Variants in HIKESHI observed in about 807,000 individuals in gnomAD.
The protein encoded by HIKESHI is heat shock protein nuclear import factor hikeshi.
HIKESHI carries 13 observed loss-of-function variants against 25.7 expected under a neutral mutation model. The ratio of observed to expected loss-of-function variants is 0.51; its 90% CI spans 0.33 to 0.80. The LOEUF (loss-of-function observed/expected upper bound fraction) is 0.80. Among genes scored for constraint, HIKESHI ranks in the 30% least tolerant of loss-of-function variants. HIKESHI has a pLI of 0.02. For synonymous variants in HIKESHI, 76 were observed against 78.7 expected (o/e 0.97, Z 0.18); for missense variants, 174 against 229.5 (o/e 0.76, Z 1.56).
At position 86,302,424 on chromosome 11, in the gene HIKESHI, C is replaced by T; in HGVS notation, c.-25C>T. 1 of 1,551,952 alleles carries T rather than the reference C, an allele frequency of 6.4e-7. No individual in the cohort carries two copies. Among genetic ancestry groups the T allele is most frequent in the Non-Finnish European group, 8.7e-7 (1 of 1,147,274 alleles). On this transcript the variant is annotated 5_prime_UTR_variant, in exon 1 of 5. Transcript: ENST00000278483. Reference sequence around the variant, plus strand: ...CCTAGTCGCCGGCTTCAGGTCACTGCCGGCTGAACGGAGCTGCCGTCGCCA... The same window carrying T: ...CCTAGTCGCCGGCTTCAGGTCACTGTCGGCTGAACGGAGCTGCCGTCGCCA...
At chr11:86,316,584 A>G (rs887552467) in intron 2 of HIKESHI, among the ~76,000 whole-genome samples, 1 of 152,088 alleles carries the variant, frequency 6.6e-6, no homozygotes, top group Non-Finnish European at 1.5e-5. Flanking sequence ...TAGTAAAAAG[A>G]AAATAAGGCA....
At chr11:86,328,852 C>T (rs1380791596) in intron 2 of HIKESHI, among the ~76,000 whole-genome samples, 1 of 151,784 alleles carries the variant, frequency 6.6e-6, no homozygotes, top group East Asian at 1.9e-4. Context: ...GCTGGGATTA[C>T]AGGTGTGAGC....
chr11:86,307,030 A>AAT (rs1167604274), intron 2 of HIKESHI, among the ~76,000 whole-genome samples: 5 of 143,480 alleles, frequency 3.5e-5, no homozygotes, highest in African/African-American at 1.3e-4. Context: ...TATATATATA[A>AAT]ATATATATAT....
At chr11:86,330,470 A>G (rs908316899) in intron 2 of HIKESHI, among the ~76,000 whole-genome samples, 1 of 152,238 alleles carries the variant, frequency 6.6e-6, no homozygotes, top group Non-Finnish European at 1.5e-5. Flanking sequence ...CAAAAGCTCT[A>G]TTTAGATACT....
chr11:86,307,283 T>C (rs5029014), intron 2 of HIKESHI, among the ~76,000 whole-genome samples: 25 of 37,174 alleles, frequency 6.7e-4, no homozygotes, highest in African/African-American at 1.5e-3. Flanking sequence ...ATATATCAAA[T>C]ATATATTATG....
At chr11:86,318,294 A>T (rs1000818611) in intron 2 of HIKESHI, among the ~76,000 whole-genome samples, 2 of 121,870 alleles carry the variant, frequency 1.6e-5, no homozygotes, top group African/African-American at 6.9e-5. Flanking sequence ...ACAGAGCAAG[A>T]CTCCGTCTCA....
At chr11:86,311,985 T>G (rs1443492239) in intron 2 of HIKESHI, among the ~76,000 whole-genome samples, 3 of 152,180 alleles carry the variant, frequency 2.0e-5, no homozygotes, top group South Asian at 4.1e-4. Context: ...TCCAACTATG[T>G]GGTCAATTTT....
chr11:86,344,503 C>T, intron 3 of HIKESHI, 100 bp from the exon 4 acceptor site: 1 of 742,586 alleles, frequency 1.3e-6, no homozygotes, highest in Non-Finnish European at 2.2e-6. Flanking sequence ...AACTGACACT[C>T]CCTATAAACA....
intron 1 of HIKESHI, 46 bp from the exon 2 acceptor site, chr11:86,306,199 G>GA: frequency 7.8e-7 from 1 of 1,278,944 alleles, no homozygotes; most frequent in Non-Finnish European, 1.1e-6. Context: ...AAGAGTTACA[G>GA]AAACTCATAG....
intron 2 of HIKESHI, among the ~76,000 whole-genome samples, chr11:86,310,661 C>A (rs1194943997): frequency 6.6e-6 from 1 of 152,166 alleles, no homozygotes; most frequent in African/African-American, 2.4e-5. Flanking sequence ...GGGAATGCTT[C>A]CAGTTTTTGC....
At chr11:86,345,425 T>G (rs1257366563) in intron 4 of HIKESHI, 159 bp from the exon 5 acceptor site, 3 of 529,618 alleles carry the variant, frequency 5.7e-6, no homozygotes, top group Non-Finnish European at 9.9e-6. Flanking sequence ...CTTGCTGTCT[T>G]TTTATAAGAA....
At chr11:86,332,432 G>GA (rs769335510) in intron 2 of HIKESHI, among the ~76,000 whole-genome samples, 5 of 149,774 alleles carry the variant, frequency 3.3e-5, no homozygotes, top group East Asian at 1.9e-4. Flanking sequence ...GAACAGAGAG[G>GA]AAAAAAAAAT....
chr11:86,327,240 G>A lies in HIKESHI; in HGVS notation c.269-10139G>A, dbSNP rs910363271. 6.6e-5 allele frequency among the ~76,000 whole-genome samples: 10 copies of A among 152,080 alleles called. 1 individual carries two copies. The highest frequency in any genetic ancestry group is 2.4e-4 in the African/African-American group (10 of 41,406). ...CTGCTATGTGTAATGCAGTGTTCTA[G>A]GTTTTCATATGTATTATATATTTAT... On this transcript the variant is annotated intron_variant, in intron 2 of 4. Coordinates refer to ENST00000278483, the MANE Select transcript of HIKESHI (RefSeq NM_016401.4).
chr11:86,307,323 TTA>T (rs1403830966), intron 2 of HIKESHI, among the ~76,000 whole-genome samples: 2 of 97,416 alleles, frequency 2.1e-5, no homozygotes, highest in Non-Finnish European at 3.9e-5. Context: ...CAAACATATA[TTA>T]TGTGTAATAT....
In HIKESHI at chr11:86,302,395, G is replaced by A. The variant is rs1012724980; in HGVS notation, c.-54G>A. 4 of 1,550,122 alleles carry A rather than the reference G, an allele frequency of 2.6e-6. No individual in the cohort carries two copies. Among genetic ancestry groups the A allele is most frequent in the Non-Finnish European group, 3.5e-6 (4 of 1,146,414 alleles). On this transcript the variant is annotated 5_prime_UTR_variant, in exon 1 of 5. Transcript: ENST00000278483. ...GTCTCGACTAGGGCAGTAGCCCCAGGACTCCTAGTCGCCGGCTTCAGGTCA... is the reference window on the plus strand; with the variant it reads ...GTCTCGACTAGGGCAGTAGCCCCAGAACTCCTAGTCGCCGGCTTCAGGTCA...
chr11:86,322,429 G>GTGTATA (rs968002751), intron 2 of HIKESHI, among the ~76,000 whole-genome samples: 1 of 151,416 alleles, frequency 6.6e-6, no homozygotes, highest in African/African-American at 2.4e-5. Context: ...GTATATATAT[G>GTGTATA]TGTATATGTA....
intron 1 of HIKESHI, among the ~76,000 whole-genome samples, chr11:86,303,864 G>C (rs76205804): frequency 0.032 from 4,913 of 152,104 alleles, 256 homozygotes; most frequent in African/African-American, 0.11. Context: ...TCAAAAATTA[G>C]AGTGTGATGA....
intron 3 of HIKESHI, chr11:86,343,747 T>TA (rs1162052523): frequency 6.6e-6 from 1 of 152,138 alleles, no homozygotes. Context: ...AACAACTGAA[T>TA]AAAAAAACCT....
chr11:86,331,730 TA>T (rs1487760448), intron 2 of HIKESHI, among the ~76,000 whole-genome samples: 1 of 152,204 alleles, frequency 6.6e-6, no homozygotes, highest in Non-Finnish European at 1.5e-5. Flanking sequence ...AAATTACTGA[TA>T]AGCCTTTGAG....
Sources: gnomAD v4.1 joint callset for allele counts (sites outside exome capture counted in the v4.1 genomes callset) on GRCh38, gnomAD v4.1.1 for gene constraint, MANE v1.5 for transcripts, NCBI Gene and HGNC (gene_info 2026-07-23, HGNC 2026-07-21) for gene names.